Variants in RALY observed in about 807,000 individuals in gnomAD.
The protein encoded by RALY is RNA-binding protein Raly.
In RALY, 15 loss-of-function variants were observed where a neutral mutation model predicts 30.7. The observed-to-expected ratio is 0.49, with a 90% CI of 0.33 to 0.75. The LOEUF (loss-of-function observed/expected upper bound fraction) is 0.75, where lower values mean the gene tolerates loss of function less well. RALY is among the 30% of genes least tolerant of loss of function. RALY has a pLI of 0.02. For synonymous variants in RALY, 177 were observed against 170.8 expected (o/e 1.04, Z -0.28); for missense variants, 339 against 414.3 (o/e 0.82, Z 1.58).
chr20:34,036,583 TGAAA>T (rs770246724), intron 2 of RALY, among the ~76,000 whole-genome samples: 1 of 152,232 alleles, frequency 6.6e-6, no homozygotes, highest in Non-Finnish European at 1.5e-5. Context: ...CTCTGATTTC[TGAAA>T]GAGTTTGTAA....
At chr20:34,018,678 GTTTGT>G (rs1415437799) in intron 1 of RALY, among the ~76,000 whole-genome samples, 1 of 117,742 alleles carries the variant, frequency 8.5e-6, no homozygotes, top group Non-Finnish European at 2.1e-5. Flanking sequence ...TTCTTTTGGT[GTTTGT>G]TTTGTTTTTT....
chr20:34,047,360 G>A (rs890981511), intron 2 of RALY, among the ~76,000 whole-genome samples: 3 of 152,176 alleles, frequency 2.0e-5, no homozygotes, highest in African/African-American at 7.2e-5. Flanking sequence ...AGGTTTCTGG[G>A]GTAGGAGCAG....
intron 1 of RALY, among the ~76,000 whole-genome samples, chr20:34,022,579 T>C (rs536745016): frequency 1.3e-5 from 2 of 152,284 alleles, no homozygotes; most frequent in South Asian, 2.1e-4. Flanking sequence ...ACAGAAACTT[T>C]GTAAGTGCCA....
chr20:34,010,483 C>T (rs569514704), intron 1 of RALY, among the ~76,000 whole-genome samples: 6 of 152,294 alleles, frequency 3.9e-5, no homozygotes, highest in African/African-American at 7.2e-5. Context: ...GCCATCCTCC[C>T]GCCTTGGCCT....
At chr20:34,070,352 GCTT>G (rs758022939) in intron 2 of RALY, among the ~76,000 whole-genome samples, 166 of 152,222 alleles carry the variant, frequency 1.1e-3, no homozygotes, top group Non-Finnish European at 2.0e-3. Context: ...CTGAAATTGA[GCTT>G]CTCTCCTTTC....
chr20:34,034,667 C>T (rs2032412047), intron 2 of RALY, among the ~76,000 whole-genome samples: 1 of 152,154 alleles, frequency 6.6e-6, no homozygotes, highest in African/African-American at 2.4e-5. Flanking sequence ...CATTGTCATC[C>T]TTAAGTATTT....
chr20:34,058,649 C>T (rs755137887), intron 2 of RALY, among the ~76,000 whole-genome samples: 6 of 152,188 alleles, frequency 3.9e-5, no homozygotes, highest in Non-Finnish European at 7.3e-5. Context: ...AGGGTTTACT[C>T]TCTGCACTAG....
In RALY at chr20:34,077,099, A is replaced by AGCG; in HGVS notation, c.731_732insCGG (p.Gly251dup). ...TGGTGGTGGCAGCGGTGGCGGTGGC[A>AGCG]GTGGTGGTGGCGGTGGCGGTGGCAG... On this transcript the variant is annotated inframe_insertion, in exon 8 of 10. Transcript: ENST00000246194. The AGCG allele has an allele frequency of 6.2e-7, 1 of 1,604,960 alleles. No homozygotes were observed. Among genetic ancestry groups the AGCG allele is most frequent in the Non-Finnish European group, 8.5e-7 (1 of 1,175,474 alleles).
intron 2 of RALY, among the ~76,000 whole-genome samples, chr20:34,047,711 A>G (rs945931900): frequency 6.6e-5 from 10 of 152,168 alleles, no homozygotes; most frequent in East Asian, 5.8e-4. Context: ...TTTCTCTAAA[A>G]TGATGTGGTT....
At chr20:34,008,295 G>A (rs2031251587) in intron 1 of RALY, among the ~76,000 whole-genome samples, 1 of 152,080 alleles carries the variant, frequency 6.6e-6, no homozygotes, top group African/African-American at 2.4e-5. Context: ...AGGAATCTGG[G>A]GAACATAGAA....
rs1053124266 is a variant in RALY at position 34,077,196 on chromosome 20, G to T, written c.827G>T (p.Arg276Leu). ...CTGCCCCAGGGGGAAGCACGGACCC[G>T]AGACGACGGCGATGAGGAAGGGCTC... Reference protein sequence around the residue: ...AGLPQGEARTRDDGDEEGLLT... With the variant: ...AGLPQGEARTLDDGDEEGLLT... Residue 276 changes from arginine (R) to leucine (L), a missense_variant, in exon 8 of 10, where the codon CGA becomes CTA. By Grantham distance (102) the Arg-to-Leu change is moderately radical (BLOSUM62 -2). This residue lies in a region of RALY where 268 missense variants were observed against 280.6 expected (regional missense o/e 0.95). Transcript: ENST00000246194. 1.9e-6 allele frequency: 3 copies of T among 1,613,860 alleles called. No individual in the cohort carries two copies. The highest frequency in any genetic ancestry group is 2.5e-6 in the Non-Finnish European group (3 of 1,179,956).
At chr20:34,037,216 AG>A (rs1306223003) in intron 2 of RALY, among the ~76,000 whole-genome samples, 3 of 152,240 alleles carry the variant, frequency 2.0e-5, no homozygotes, top group Non-Finnish European at 4.4e-5. Context: ...ACCAGTAGAG[AG>A]GGTGCTAGGG....
At chr20:34,015,660 A>G (rs138217277) in intron 1 of RALY, among the ~76,000 whole-genome samples, 3 of 152,060 alleles carry the variant, frequency 2.0e-5, no homozygotes, top group East Asian at 1.9e-4. Flanking sequence ...CAAAATGTCA[A>G]TTTTAATGAG....
chr20:34,074,781 G>A (rs2033827792), intron 5 of RALY, among the ~76,000 whole-genome samples: 1 of 152,220 alleles, frequency 6.6e-6, no homozygotes, highest in African/African-American at 2.4e-5. Context: ...CAAGGCCAGA[G>A]CCGTTCCCTC....
chr20:34,007,686 G>A (rs908073424), intron 1 of RALY, among the ~76,000 whole-genome samples: 2 of 151,862 alleles, frequency 1.3e-5, no homozygotes, highest in African/African-American at 4.8e-5. Context: ...TGGGCGTGGT[G>A]GTGGGCGCCT....
At chr20:34,007,962 CAG>C (rs1318547558) in intron 1 of RALY, among the ~76,000 whole-genome samples, 1 of 151,844 alleles carries the variant, frequency 6.6e-6, no homozygotes, top group Non-Finnish European at 1.5e-5. Context: ...TATAGTCAAT[CAG>C]GGACTGCAAG....
At chr20:34,033,479 T>C (rs530489921) in intron 2 of RALY, among the ~76,000 whole-genome samples, 17 of 152,236 alleles carry the variant, frequency 1.1e-4, no homozygotes, top group African/African-American at 3.6e-4. Context: ...GTGAGGGCCT[T>C]AGGCTGCTTC....
chr20:34,050,680 C>T (rs2033047845), intron 2 of RALY, among the ~76,000 whole-genome samples: 2 of 152,206 alleles, frequency 1.3e-5, no homozygotes, highest in Non-Finnish European at 2.9e-5. Context: ...CCCCCTCTTG[C>T]CATCCCATAT....
chr20:34,033,671 C>G (rs1051485471), intron 2 of RALY, among the ~76,000 whole-genome samples: 1 of 152,142 alleles, frequency 6.6e-6, no homozygotes, highest in Non-Finnish European at 1.5e-5. Flanking sequence ...CTGCCCCCAA[C>G]GATCCAAACC....
Sources: allele counts gnomAD v4.1 joint callset (sites outside exome capture counted in the v4.1 genomes callset), GRCh38; gene constraint gnomAD v4.1.1; regional missense constraint gnomAD v4.1.1; transcripts MANE v1.5; gene names NCBI Gene and HGNC (gene_info 2026-07-23, HGNC 2026-07-21).